Variants in IRS2 observed in about 807,000 individuals in gnomAD.
IRS2 encodes the protein insulin receptor substrate 2.
Under a neutral mutation model 70.9 loss-of-function variants are expected in IRS2, and 28 were observed. That is an observed-to-expected ratio of 0.39 (90% confidence interval 0.29 to 0.54). The LOEUF is 0.54. Among genes scored for constraint, IRS2 ranks in the 20% least tolerant of loss-of-function variants. The pLI is 0.59. For synonymous variants in IRS2, 1,217 were observed against 981.9 expected (o/e 1.24, Z -4.48); for missense variants, 2,081 against 2,024.1 (o/e 1.03, Z -0.54).
At position 109,756,064 on chromosome 13, in the gene IRS2, A is replaced by T; in HGVS notation, c.*240T>A. On this transcript the variant is annotated 3_prime_UTR_variant, in exon 2 of 2. Transcript: ENST00000375856. ...TCTTCAGCTAATTTTGTTAAAACAA[A>T]ACAAAACAAAACGCAAACAGCACAA... 1 of 498,042 alleles carries T rather than the reference A, an allele frequency of 2.0e-6. No homozygotes were observed. The highest frequency in any genetic ancestry group is 3.6e-6 in the Non-Finnish European group (1 of 277,418). The allele number at this position is 498,042 out of a possible 1,614,324, so 30.9% of individuals were successfully genotyped here.
chr13:109,757,881 C>A (rs918878054), intron 1 of IRS2, among the ~76,000 whole-genome samples: 19 of 152,248 alleles, frequency 1.2e-4, no homozygotes, highest in African/African-American at 4.6e-4. Context: ...GGGGTTTCAC[C>A]ATGCTGGCCA....
chr13:109,775,574 C>T (rs1594385944), intron 1 of IRS2, among the ~76,000 whole-genome samples: 2 of 152,106 alleles, frequency 1.3e-5, no homozygotes, highest in African/African-American at 4.8e-5. Context: ...TCATACCACA[C>T]CGTAATAACT....
chr13:109,780,785 C>T (rs76063436), intron 1 of IRS2, among the ~76,000 whole-genome samples: 10,140 of 148,850 alleles, frequency 0.068, 369 homozygotes, highest in Non-Finnish European at 0.075. Flanking sequence ...CACAAAGCCT[C>T]TATCCTGCTA....
In IRS2 at chr13:109,783,243, G is replaced by A. The variant is rs769013023; in HGVS notation, c.2811C>T (p.Pro937=). 7 of 1,470,160 alleles carry A rather than the reference G, an allele frequency of 4.8e-6. No homozygotes were observed. The highest frequency in any genetic ancestry group is 1.8e-4 in the Middle Eastern group (1 of 5,428). The allele number at this position is 1,470,160 out of a possible 1,614,324, so 91.1% of individuals were successfully genotyped here. A position where few individuals can be genotyped will look rare whatever the true frequency, so the allele number is the denominator to read the frequency against. ...PGARLSPPAP[P]LLASAASSSS... is the part of the protein sequence containing the mutation. ...AGGACGAGGCCGCCGACGCCAGCAG[G>A]GGAGGCGCGGGCGGCGACAGGCGGG... Residue 937 remains proline, a synonymous_variant, in exon 1 of 2, where the codon CCC becomes CCT. Transcript: ENST00000375856.
In IRS2 at chr13:109,785,823, C is replaced by T. The variant is rs774832802; in HGVS notation, c.231G>A (p.Glu77=). 7 of 1,565,206 alleles carry T rather than the reference C, an allele frequency of 4.5e-6. No homozygotes were observed. The highest frequency in any genetic ancestry group is 6.0e-6 in the Non-Finnish European group (7 of 1,163,632). The change falls in exon 1 of 2, where the codon GAG becomes GAA. Residue 77 remains glutamate (E), a synonymous_variant. Coordinates refer to ENST00000375856, the MANE Select transcript of IRS2 (RefSeq NM_003749.3). This position sits in a 1 kb window ranked among gnomAD's most constrained non-coding sequence, Gnocchi z 9.3. ...CCTTGCTCCGCCACTTTTTCTCGCTCTCGTAGTACTCGAGCCGCGGCGGTT... is the reference window on the plus strand; with the variant it reads ...CCTTGCTCCGCCACTTTTTCTCGCTTTCGTAGTACTCGAGCCGCGGCGGTT... ...APQPPRLEYY[E]SEKKWRSKAG...
chr13:109,768,191 A>G (rs1276622273), intron 1 of IRS2, among the ~76,000 whole-genome samples: 1 of 152,248 alleles, frequency 6.6e-6, no homozygotes, highest in African/African-American at 2.4e-5. Context: ...TCAAGCAGAT[A>G]ATTCAAGAAT....
chr13:109,776,878 G>T (rs1416336881), intron 1 of IRS2, among the ~76,000 whole-genome samples: 1 of 152,188 alleles, frequency 6.6e-6, no homozygotes, highest in African/African-American at 2.4e-5. Flanking sequence ...AATATAGAAA[G>T]AGTGTCCCTA....
chr13:109,753,229 G>A lies in IRS2; in HGVS notation c.*3075C>T, dbSNP rs1044314087. The A allele has an allele frequency of 1.3e-5, 2 of 152,398 alleles. No homozygotes were observed. Among genetic ancestry groups the A allele is most frequent in the African/African-American group, 4.8e-5 (2 of 41,418 alleles). 9.4% of individuals were successfully genotyped at this position (152,398 alleles called of 1,614,324 possible). A position where few individuals can be genotyped will look rare whatever the true frequency, so the allele number is the denominator to read the frequency against. On this transcript the variant is annotated 3_prime_UTR_variant, in exon 2 of 2. Coordinates refer to ENST00000375856, the MANE Select transcript of IRS2 (RefSeq NM_003749.3). ...GCCTGCCTCAGCCTCCCAAAGTGCTGGGATTACAGGTGTGAGCCACCACGC... is the reference window on the plus strand; with the variant it reads ...GCCTGCCTCAGCCTCCCAAAGTGCTAGGATTACAGGTGTGAGCCACCACGC...
At position 109,784,489 on chromosome 13, in the gene IRS2, T is replaced by C. The variant is rs2138935954; in HGVS notation, c.1565A>G (p.Glu522Gly). 4 of 1,569,740 alleles carry C rather than the reference T, an allele frequency of 2.5e-6. No individual in the cohort carries two copies. Among genetic ancestry groups the C allele is most frequent in the Non-Finnish European group, 3.5e-6 (4 of 1,156,452 alleles). The stretch of plus-strand genomic sequence containing the variant: ...GGCCGGGGGCGTCTCCGCGATGGAC[T>C]CGGGCGTGTTGCTTCGGTGGCTGCA... ...AFCSHRSNTP[E>G]SIAETPPARD... The change falls in exon 1 of 2, where the codon GAG (glutamate) becomes GGG (glycine). Residue 522 changes from glutamate (E) to glycine (G), a missense_variant. By Grantham distance (98) the Glu-to-Gly change is moderately conservative. This residue lies in a region of IRS2 where 1,615 missense variants were observed against 1,459.5 expected (regional missense o/e 1.11). Transcript: ENST00000375856. The surrounding 1 kb of genome is among the most constrained non-coding windows in gnomAD (Gnocchi z 5.2).
At chr13:109,772,729 G>T (rs12584130) in intron 1 of IRS2, among the ~76,000 whole-genome samples, 1 of 147,292 alleles carries the variant, frequency 6.8e-6, no homozygotes, top group Non-Finnish European at 1.5e-5. Flanking sequence ...CGCTCTGTCG[G>T]CCAGGCCGGA....
rs1384265511 is a variant in IRS2, at chr13:109,786,444, G to T, written c.-391C>A. The T allele has an allele frequency of 6.8e-6, 1 of 147,812 alleles. No homozygotes were observed. The highest frequency in any genetic ancestry group is 1.5e-5 in the Non-Finnish European group (1 of 66,286). 9.2% of individuals were successfully genotyped at this position (147,812 alleles called of 1,614,324 possible). ...GCCGCACCGGGGCTGCTGCCGCCGC[G>T]TCGCGCTCCGGGAAGCCGGGGTGCG... On this transcript the variant is annotated 5_prime_UTR_variant, in exon 1 of 2. Transcript: ENST00000375856. The surrounding 1 kb of genome is among the most constrained non-coding windows in gnomAD (Gnocchi z 4.4).
At chr13:109,765,419 T>C (rs1877313634) in intron 1 of IRS2, among the ~76,000 whole-genome samples, 1 of 151,720 alleles carries the variant, frequency 6.6e-6, no homozygotes, top group African/African-American at 2.4e-5. Flanking sequence ...AGCATGTAGA[T>C]ATCCCAGCCT....
At chr13:109,759,945 A>G (rs1279828451) in intron 1 of IRS2, among the ~76,000 whole-genome samples, 1 of 152,186 alleles carries the variant, frequency 6.6e-6, no homozygotes, top group African/African-American at 2.4e-5. Flanking sequence ...TAGGAATGAG[A>G]GTAAACTTTT....
At chr13:109,757,281 G>A (rs893380139) in intron 1 of IRS2, among the ~76,000 whole-genome samples, 4 of 152,154 alleles carry the variant, frequency 2.6e-5, no homozygotes, top group South Asian at 2.1e-4. Context: ...TCAGCAACAT[G>A]AGGGTGAGCA....
At position 109,784,744 on chromosome 13, in the gene IRS2, T is replaced by G. The variant is rs1175918366; in HGVS notation, c.1310A>C (p.His437Pro). Residue 437 changes from histidine to proline, a missense_variant, in exon 1 of 2, where the codon CAC becomes CCC. By Grantham distance (77) the His-to-Pro change is moderately conservative (BLOSUM62 -2). Coordinates refer to ENST00000375856, the MANE Select transcript of IRS2 (RefSeq NM_003749.3). This position sits in a 1 kb window ranked among gnomAD's most constrained non-coding sequence, Gnocchi z 5.2. ...HSRSMSMPVA[H>P]SPPAATSPGS... ...GGGGCTGGTGGCGGCGGGCGGCGAGTGCGCCACGGGCATGGACATGGAGCG... is the reference window on the plus strand; with the variant it reads ...GGGGCTGGTGGCGGCGGGCGGCGAGGGCGCCACGGGCATGGACATGGAGCG... The G allele has an allele frequency of 4.9e-6, 6 of 1,227,538 alleles. No homozygotes were observed. The highest frequency in any genetic ancestry group is 4.1e-6 in the Non-Finnish European group (4 of 986,398). 76.0% of individuals were successfully genotyped at this position (1,227,538 alleles called of 1,614,324 possible).
At chr13:109,756,561 TTAAG>T (rs1217344980) in intron 1 of IRS2, among the ~76,000 whole-genome samples, 3 of 152,288 alleles carry the variant, frequency 2.0e-5, no homozygotes, top group Admixed American at 2.0e-4. Context: ...TATTTTCAAT[TTAAG>T]AAAAATATTC....
At position 109,785,918 on chromosome 13, in the gene IRS2, G is replaced by T. The variant is rs1287607728; in HGVS notation, c.136C>A (p.Arg46Ser). Residue 46 changes from arginine (R) to serine (S), a missense_variant, in exon 1 of 2, where the codon CGC (arginine) becomes AGC (serine). By Grantham distance (110) the Arg-to-Ser change is moderately radical (BLOSUM62 -1). Around this residue, in one of 4 missense-constraint regions of IRS2, gnomAD observed 320 missense variants for 352.9 expected, o/e 0.91. Transcript: ENST00000375856. This position sits in a 1 kb window ranked among gnomAD's most constrained non-coding sequence, Gnocchi z 9.3. ...YLRKQKHGHK[R>S]FFVLRGPGAG... Reference sequence around the variant, plus strand: ...CCGGGTCCGCGCAGCACGAAGAAGCGCTTGTGGCCATGCTTCTGCTTGCGC... The same window carrying T: ...CCGGGTCCGCGCAGCACGAAGAAGCTCTTGTGGCCATGCTTCTGCTTGCGC... The T allele has an allele frequency of 6.7e-7, 1 of 1,496,058 alleles. No individual in the cohort carries two copies. The highest frequency in any genetic ancestry group is 8.9e-7 in the Non-Finnish European group (1 of 1,129,680). 92.7% of individuals were successfully genotyped at this position (1,496,058 alleles called of 1,614,324 possible). A position where few individuals can be genotyped will look rare whatever the true frequency, so the allele number is the denominator to read the frequency against.
chr13:109,759,519 G>A (rs1877183180), intron 1 of IRS2, among the ~76,000 whole-genome samples: 1 of 152,204 alleles, frequency 6.6e-6, no homozygotes, highest in South Asian at 2.1e-4. Flanking sequence ...GGATACAACA[G>A]AGACCTAAGA....
chr13:109,768,172 C>T (rs1877377457), intron 1 of IRS2, among the ~76,000 whole-genome samples: 1 of 152,178 alleles, frequency 6.6e-6, no homozygotes, highest in Non-Finnish European at 1.5e-5. Context: ...GAATAACTAG[C>T]AACACAGTTC....
Sources: allele counts gnomAD v4.1 joint callset (sites outside exome capture counted in the v4.1 genomes callset), GRCh38; gene constraint gnomAD v4.1.1; regional missense constraint gnomAD v4.1.1; non-coding constraint Gnocchi (gnomAD v3.1); transcripts MANE v1.5; gene names NCBI Gene and HGNC (gene_info 2026-07-23, HGNC 2026-07-21).